Variants in LARGE1 observed in about 807,000 individuals in gnomAD.
LARGE1 encodes the protein xylosyl- and glucuronyltransferase LARGE1.
In LARGE1, 43 loss-of-function variants were observed where a neutral mutation model predicts 87.6. The ratio of observed to expected loss-of-function variants is 0.49; its 90% CI spans 0.38 to 0.63. LARGE1 has a LOEUF of 0.63. Among genes scored for constraint, LARGE1 ranks in the 30% least tolerant of loss-of-function variants. LARGE1 has a pLI of 0.00. For missense variants in LARGE1, 802 were observed against 1,000.2 expected (o/e 0.80, Z 2.67); for synonymous variants, 434 against 394.6 (o/e 1.10, Z -1.18).
At chr22:33,535,210 C>T (rs192321899) in intron 6 of LARGE1, among the ~76,000 whole-genome samples, 8 of 152,280 alleles carry the variant, frequency 5.3e-5, no homozygotes, top group Middle Eastern at 3.4e-3. Context: ...CAATGAAGTG[C>T]GTGTGTCCGG....
intron 2 of LARGE1, among the ~76,000 whole-genome samples, chr22:33,696,607 C>A (rs1350058053): frequency 6.6e-6 from 1 of 152,100 alleles, no homozygotes; most frequent in East Asian, 1.9e-4. Context: ...CATTTATATT[C>A]CCACCAGTAA....
intron 2 of LARGE1, among the ~76,000 whole-genome samples, chr22:33,695,351 ACCTTGGCCTCCCAAAGTGCTGG>A (rs1185759671): frequency 6.6e-6 from 1 of 152,014 alleles, no homozygotes; most frequent in East Asian, 1.9e-4. Context: ...TGATCCATCC[ACCTTGGCCTCCCAAAGTGCTGG>A]GATACCCAGC....
intron 11 of LARGE1, among the ~76,000 whole-genome samples, chr22:33,181,983 C>T (rs114668271): frequency 0.014 from 2,136 of 151,960 alleles, 54 homozygotes; most frequent in African/African-American, 0.047. Context: ...CAACCACACC[C>T]GGCTAATTTT....
Position 33,276,002 on chromosome 22 carries a change from T to C in LARGE1, c.2073+1058A>G, listed in dbSNP as rs369057057. On this transcript the variant is annotated intron_variant, in intron 14 of 14. Transcript: ENST00000397394. ...GACATGATTCTATAACCTATCTACA[T>C]CAGTGTTCTCAACCCTAACGCCTCT... 8.1e-4 allele frequency among the ~76,000 whole-genome samples: 123 copies of C among 152,340 alleles called. 1 individual carries two copies. The highest frequency in any genetic ancestry group is 2.8e-3 in the African/African-American group (116 of 41,586).
At chr22:33,503,644 C>T (rs2070617235) in intron 6 of LARGE1, among the ~76,000 whole-genome samples, 1 of 151,420 alleles carries the variant, frequency 6.6e-6, no homozygotes, top group Admixed American at 6.6e-5. Context: ...ACTAAAAATA[C>T]AAAAATTAGC....
At chr22:33,903,441 A>T (rs2065343373) in intron 1 of LARGE1, among the ~76,000 whole-genome samples, 1 of 152,100 alleles carries the variant, frequency 6.6e-6, no homozygotes, top group South Asian at 2.1e-4. Context: ...ACCATTCTGA[A>T]TTTTTTTAAA....
rs570571087 is a variant in LARGE1 at position 33,171,408 on chromosome 22, A to G, written c.1731-4576T>C. On this transcript the variant is annotated intron_variant, in intron 11 of 11. Coordinates refer to the LARGE1 transcript ENST00000608642. ...GAGGAACTGAATGTTAATAGCCAAG[A>G]CAATGAGGAAAATGTCTCCAGGGCA... is the stretch of plus-strand genomic sequence containing the variant. 3.7e-4 allele frequency among the ~76,000 whole-genome samples: 56 copies of G among 152,360 alleles called. 2 individuals are homozygous for G. Among genetic ancestry groups the G allele is most frequent in the African/African-American group, 1.2e-3 (49 of 41,586 alleles).
chr22:33,201,163 C>T (rs1476267204), intron 11 of LARGE1, among the ~76,000 whole-genome samples: 1 of 152,082 alleles, frequency 6.6e-6, no homozygotes, highest in Non-Finnish European at 1.5e-5. Flanking sequence ...ACAAAATTAA[C>T]CTGGCATAGC....
intron 1 of LARGE1, among the ~76,000 whole-genome samples, chr22:33,879,050 G>T (rs568956986): frequency 1.3e-5 from 2 of 150,928 alleles, no homozygotes; most frequent in South Asian, 4.2e-4. Flanking sequence ...TCAGCCTACC[G>T]CAACCTCTGC....
chr22:33,667,974 T>A (rs529174121), intron 2 of LARGE1, among the ~76,000 whole-genome samples: 66 of 152,328 alleles, frequency 4.3e-4, no homozygotes, highest in Non-Finnish European at 7.5e-4. Flanking sequence ...GAGTACAGAA[T>A]TCCTTTCCTA....
chr22:33,717,588 C>T (rs371586574), intron 2 of LARGE1, among the ~76,000 whole-genome samples: 59 of 152,282 alleles, frequency 3.9e-4, no homozygotes, highest in Middle Eastern at 3.4e-3. Flanking sequence ...ACACTCAAAT[C>T]CCCACAGTGG....
At chr22:33,344,852 G>T (rs1016038306) in intron 9 of LARGE1, among the ~76,000 whole-genome samples, 1 of 32,882 alleles carries the variant, frequency 3.0e-5, no homozygotes, top group Non-Finnish European at 6.3e-5. Flanking sequence ...AGAATGTCTT[G>T]TCCTGGTCCC....
At position 33,863,452 on chromosome 22, in the gene LARGE1, A is replaced by G. The variant is rs182203949; in HGVS notation, c.-83+56543T>C. On this transcript the variant is annotated intron_variant, in intron 1 of 14. Coordinates refer to ENST00000397394, the MANE Select transcript of LARGE1 (RefSeq NM_133642.5). ...TCTAGAAGACCCTGTAAGTTCAGGT[A>G]AACTTTATTAGAAATACAAAGGAGG... 3.6e-3 allele frequency among the ~76,000 whole-genome samples: 546 copies of G among 152,248 alleles called. 6 individuals are homozygous for G. Among genetic ancestry groups the G allele is most frequent in the African/African-American group, 0.012 (504 of 41,544 alleles).
intron 1 of LARGE1, among the ~76,000 whole-genome samples, chr22:33,806,954 G>A (rs977411582): frequency 6.6e-5 from 10 of 152,002 alleles, no homozygotes; most frequent in Non-Finnish European, 1.5e-4. Flanking sequence ...AGGTTGCAGC[G>A]AGCTGAGATC....
At position 33,858,201 on chromosome 22, in the gene LARGE1, C is replaced by T. The variant is rs932833788; in HGVS notation, c.-83+61794G>A. 1.1e-4 allele frequency among the ~76,000 whole-genome samples: 17 copies of T among 152,308 alleles called. 1 individual carries two copies. The highest frequency in any genetic ancestry group is 6.8e-3 in the Middle Eastern group (2 of 294). On this transcript the variant is annotated intron_variant, in intron 1 of 14. Transcript: ENST00000397394. ...GGCAAGCCTTTAGCCCGATCGGGAG[C>T]GGCAATGGGCACCTTGCTGGATCAG... is the stretch of plus-strand genomic sequence containing the variant.
At chr22:33,508,752 G>A (rs5998976) in intron 6 of LARGE1, among the ~76,000 whole-genome samples, 1,713 of 152,180 alleles carry the variant, frequency 0.011, 37 homozygotes, top group African/African-American at 0.04. Flanking sequence ...AAAACTCATC[G>A]CATATTATTA....
At chr22:33,098,321 C>A in the LARGE1 span, among the ~76,000 whole-genome samples, 10 of 151,926 alleles carry the variant, frequency 6.6e-5, no homozygotes, top group African/African-American at 2.4e-4. Context: ...AATAAATAAA[C>A]TTAAAAAATA....
chr22:33,650,743 C>G, intron 2 of LARGE1, 75 bp from the exon 3 acceptor site: 2 of 1,533,092 alleles, frequency 1.3e-6, no homozygotes, highest in South Asian at 1.1e-5. Context: ...CCCCAGACAT[C>G]CCTTACTACA....
chr22:33,481,244 C>CAT (rs2069311618), intron 6 of LARGE1, among the ~76,000 whole-genome samples: 1 of 146,558 alleles, frequency 6.8e-6, no homozygotes, highest in East Asian at 2.0e-4. Context: ...CACACACACA[C>CAT]GTACACACAC....
Sources: allele counts gnomAD v4.1 joint callset (sites outside exome capture counted in the v4.1 genomes callset), GRCh38; gene constraint gnomAD v4.1.1; transcripts MANE v1.5; gene names NCBI Gene and HGNC (gene_info 2026-07-23, HGNC 2026-07-21).